TEX15: variants seen among roughly 807,000 people sequenced by gnomAD.
The protein encoded by TEX15 is testis expressed 15, meiosis and synapsis associated.
In TEX15, 171 loss-of-function variants were observed where a neutral mutation model predicts 237.3. The observed-to-expected ratio is 0.72, with a 90% CI of 0.64 to 0.82. TEX15 has a LOEUF of 0.82. TEX15 is among the 40% of genes least tolerant of loss of function. TEX15 has a pLI of 0.00. For missense variants in TEX15, 3,750 were observed against 3,646.5 expected (o/e 1.03, Z -0.73); for synonymous variants, 1,338 against 1,269.8 (o/e 1.05, Z -1.14).
intron 3 of TEX15, among the ~76,000 whole-genome samples, chr8:30,882,675 T>G (rs1023473615): frequency 1.3e-5 from 2 of 152,212 alleles, no homozygotes; most frequent in African/African-American, 4.8e-5. Flanking sequence ...AAAGGTCTAT[T>G]CTGCTACTGT....
Position 30,879,640 on chromosome 8 carries a change from T to A in TEX15, c.137-4538A>T, listed in dbSNP as rs190798510. 1.6e-4 allele frequency among the ~76,000 whole-genome samples: 24 copies of A among 152,364 alleles called. 1 individual carries two copies. The highest frequency in any genetic ancestry group is 6.5e-5 in the Admixed American group (1 of 15,306). ...TTATTCTGTTCCACAGATCTGTGTGTCTATTTCTGTGGTCACATTGTCTTT... is the reference window on the plus strand; with the variant it reads ...TTATTCTGTTCCACAGATCTGTGTGACTATTTCTGTGGTCACATTGTCTTT... On this transcript the variant is annotated intron_variant, in intron 3 of 10. Coordinates refer to ENST00000643185, the MANE Select transcript of TEX15 (RefSeq NM_001350162.2).
chr8:30,843,098 A>T lies in TEX15; in HGVS notation c.7069T>A (p.Ser2357Thr). 6.2e-7 allele frequency: 1 copy of T among 1,613,258 alleles called. No individual in the cohort carries two copies. The highest frequency in any genetic ancestry group is 8.5e-7 in the Non-Finnish European group (1 of 1,179,592). ...GCAAGCAAATTACTGTTAAATTTAG[A>T]ATTTTCTATGCTAATTGTTGCTTCG... ...INEATISIEN[S>T]KFNSNLLAHP... Residue 2357 changes from serine to threonine, a missense_variant, in exon 8 of 11, where the codon TCT becomes ACT. Transcript: ENST00000643185.
At chr8:30,906,342 T>G (rs769109817) in intron 1 of TEX15, among the ~76,000 whole-genome samples, 11 of 152,014 alleles carry the variant, frequency 7.2e-5, no homozygotes, top group Non-Finnish European at 1.5e-4. Flanking sequence ...TCCCAGCACT[T>G]TGGAAGGCTG....
intron 9 of TEX15, among the ~76,000 whole-genome samples, chr8:30,838,480 C>A (rs1359042343): frequency 2.6e-5 from 4 of 151,786 alleles, no homozygotes; most frequent in Non-Finnish European, 5.9e-5. Context: ...GCCTTCCCAC[C>A]AAAGATTTCT....
At chr8:30,849,940 GAATAAAAAC>G (rs1195212505) in intron 7 of TEX15, among the ~76,000 whole-genome samples, 1 of 151,928 alleles carries the variant, frequency 6.6e-6, no homozygotes, top group East Asian at 1.9e-4. Context: ...AACTAAATAG[GAATAAAAAC>G]ATTTTCCCAA....
intron 3 of TEX15, among the ~76,000 whole-genome samples, chr8:30,884,793 A>AT (rs954914997): frequency 1.3e-5 from 2 of 150,520 alleles, no homozygotes; most frequent in Admixed American, 1.3e-4. Context: ...CATTTTGTTG[A>AT]TTTTTTTCTA....
chr8:30,840,914 A>T (rs1295328053), intron 8 of TEX15, among the ~76,000 whole-genome samples: 1 of 152,122 alleles, frequency 6.6e-6, no homozygotes, highest in African/African-American at 2.4e-5. Context: ...TAATTTAAAA[A>T]TTATATATAT....
chr8:30,854,754 A>G (rs1259900096), intron 7 of TEX15, among the ~76,000 whole-genome samples: 3 of 152,162 alleles, frequency 2.0e-5, no homozygotes. Flanking sequence ...AAATTGCAGC[A>G]AACTGATTCC....
chr8:30,888,390 T>C (rs1808710741), intron 2 of TEX15, among the ~76,000 whole-genome samples: 1 of 152,182 alleles, frequency 6.6e-6, no homozygotes, highest in Admixed American at 6.5e-5. Context: ...TATTGACTAC[T>C]GTTCCATGGT....
chr8:30,897,646 A>C (rs1808931602), intron 2 of TEX15, among the ~76,000 whole-genome samples: 2 of 152,168 alleles, frequency 1.3e-5, no homozygotes, highest in South Asian at 2.1e-4. Context: ...AAATTTTAAG[A>C]ATCTGTCTAA....
At chr8:30,895,159 T>C (rs1457804126) in intron 2 of TEX15, among the ~76,000 whole-genome samples, 1 of 151,942 alleles carries the variant, frequency 6.6e-6, no homozygotes, top group Non-Finnish European at 1.5e-5. Flanking sequence ...ATCTGTATGG[T>C]AAGATGGAAA....
chr8:30,897,445 A>T (rs577468797), intron 2 of TEX15, among the ~76,000 whole-genome samples: 9 of 152,136 alleles, frequency 5.9e-5, no homozygotes, highest in Non-Finnish European at 1.2e-4. Flanking sequence ...AATTACTTAG[A>T]ACATTTATTT....
At chr8:30,862,695 A>G (rs1417175415) in intron 5 of TEX15, among the ~76,000 whole-genome samples, 1 of 152,238 alleles carries the variant, frequency 6.6e-6, no homozygotes, top group African/African-American at 2.4e-5. Flanking sequence ...AGCTGTTTTC[A>G]TGCAAATCAG....
At chr8:30,888,572 A>T (rs1023626726) in intron 2 of TEX15, 2 of 1,249,774 alleles carry the variant, frequency 1.6e-6, no homozygotes, top group African/African-American at 1.5e-5. Context: ...CTCAAGCTGG[A>T]TTTCAAAAGA....
At chr8:30,866,763 A>C (rs1198165562) in intron 5 of TEX15, among the ~76,000 whole-genome samples, 1 of 151,840 alleles carries the variant, frequency 6.6e-6, no homozygotes, top group East Asian at 1.9e-4. Flanking sequence ...AAAATAGTTC[A>C]AAGGTCCCAT....
intron 9 of TEX15, among the ~76,000 whole-genome samples, chr8:30,838,760 GTATATATAAAAACATA>G (rs1336125007): frequency 1.9e-5 from 2 of 103,376 alleles, no homozygotes; most frequent in African/African-American, 6.8e-5. Flanking sequence ...GTGTATGTGT[GTATATATAAAAACATA>G]TATATATATA....
At position 30,875,075 on chromosome 8, in the gene TEX15, C is replaced by G. The variant is rs190020511; in HGVS notation, c.164G>C (p.Ser55Thr). 4 of 1,253,734 alleles carry G rather than the reference C, an allele frequency of 3.2e-6. No homozygotes were observed. In the East Asian group the frequency reaches 9.2e-5, roughly 29 times the overall value. The allele number at this position is 1,253,734 out of a possible 1,614,324, so 77.7% of individuals were successfully genotyped here. ...ATCATGTATAAAACTATACTCTCTA[C>G]TATTGGTGTAACAAGGTGACAAGTA... ...KVYLSPCYTN[S>T]REYSFIHDTL... The change falls in exon 4 of 11, where the codon AGT becomes ACT. Residue 55 changes from serine (S) to threonine (T), a missense_variant. Coordinates refer to ENST00000643185, the MANE Select transcript of TEX15 (RefSeq NM_001350162.2).
At position 30,847,031 on chromosome 8, in the gene TEX15, T is replaced by C. The variant is rs200529121; in HGVS notation, c.3136A>G (p.Ile1046Val). Reference sequence around the variant, plus strand: ...CTCTGAAGAACTAAGTTCTCATTTATTGATTGATGAAATGATTCTTGTGAT... The same window carrying C: ...CTCTGAAGAACTAAGTTCTCATTTACTGATTGATGAAATGATTCTTGTGAT... ...NKSQESFHQSINENLVLQSIE... is the reference protein window; with the variant it reads ...NKSQESFHQSVNENLVLQSIE... The change falls in exon 8 of 11, where the codon ATA becomes GTA. Residue 1046 changes from isoleucine to valine, a missense_variant. Physicochemically the swap from Ile to Val is conservative, Grantham distance 29. Transcript: ENST00000643185. 179 of 1,612,418 alleles carry C rather than the reference T, an allele frequency of 1.1e-4. No homozygotes were observed. The highest frequency in any genetic ancestry group is 1.4e-4 in the Non-Finnish European group (160 of 1,178,860).
chr8:30,839,063 G>A (rs529221793), intron 9 of TEX15, among the ~76,000 whole-genome samples: 26 of 151,994 alleles, frequency 1.7e-4, no homozygotes, highest in African/African-American at 5.8e-4. Context: ...TGATCCGCCC[G>A]CCTTGGCCTC....
Sources: gnomAD v4.1 joint callset for allele counts (sites outside exome capture counted in the v4.1 genomes callset) on GRCh38, gnomAD v4.1.1 for gene constraint, MANE v1.5 for transcripts, NCBI Gene and HGNC (gene_info 2026-07-23, HGNC 2026-07-21) for gene names.